Variants in MYH13 observed in about 807,000 individuals in gnomAD.
The protein encoded by MYH13 is myosin-13.
MYH13 carries 177 observed loss-of-function variants against 232.1 expected under a neutral mutation model. That is an observed-to-expected ratio of 0.76 (90% CI 0.67 to 0.86). The LOEUF (loss-of-function observed/expected upper bound fraction) is 0.86, where lower values mean the gene tolerates loss of function less well. MYH13 is among the 40% of genes least tolerant of loss of function. The pLI is 0.00. For missense variants in MYH13, 2,246 were observed against 2,405.9 expected (o/e 0.93, Z 1.39); for synonymous variants, 884 against 923.5 (o/e 0.96, Z 0.78).
rs1907275377 is a variant in MYH13, at chr17:10,328,014, T to C, written c.2543A>G (p.Glu848Gly). ...FKIKPLLKSA[E>G]AEKEMATMKE... Reference sequence around the variant, plus strand: ...CATGGTGGCCATCTCCTTCTCGGCCTCTGCACTCTTCAGCAGGGGCTTGAT... The same window carrying C: ...CATGGTGGCCATCTCCTTCTCGGCCCCTGCACTCTTCAGCAGGGGCTTGAT... The change falls in exon 22 of 41, where the codon GAG becomes GGG. Residue 848 changes from glutamate to glycine, a missense_variant. Transcript: ENST00000252172. The C allele has an allele frequency of 1.2e-6, 2 of 1,614,110 alleles. No homozygotes were observed. Among genetic ancestry groups the C allele is most frequent in the African/African-American group, 1.3e-5 (1 of 74,942 alleles).
At chr17:10,323,910 A>G in intron 23 of MYH13, 112 bp downstream of exon 23, 1 of 1,417,474 alleles carries the variant, frequency 7.1e-7, no homozygotes. Flanking sequence ...CCAGCCTCTC[A>G]TTTCTGGGCA....
At chr17:10,351,477 A>T (rs769519468) in intron 11 of MYH13, among the ~76,000 whole-genome samples, 2 of 152,194 alleles carry the variant, frequency 1.3e-5, no homozygotes, top group Non-Finnish European at 2.9e-5. Context: ...CAAAGATGGC[A>T]TCATCATTTC....
At chr17:10,323,791 AAGAAGAAGAAG>A (rs1907087679) in intron 23 of MYH13, among the ~76,000 whole-genome samples, 8 of 37,122 alleles carry the variant, frequency 2.2e-4, no homozygotes, top group East Asian at 1.2e-3. Flanking sequence ...AAAAAAAAAG[AAGAAGAAGAAG>A]AAGAAGAAGA....
At chr17:10,326,123 T>C (rs1907190022) in intron 22 of MYH13, among the ~76,000 whole-genome samples, 2 of 152,308 alleles carry the variant, frequency 1.3e-5, no homozygotes, top group South Asian at 4.1e-4. Context: ...TTTCAATAGC[T>C]GGATGAGGTG....
chr17:10,362,584 T>C (rs1597389988), intron 3 of MYH13, 81 bp from the exon 4 acceptor site: 1 of 1,559,200 alleles, frequency 6.4e-7, no homozygotes, highest in Non-Finnish European at 8.8e-7. Flanking sequence ...GTGGAAGTAG[T>C]GAGATATTGT....
Position 10,345,324 on chromosome 17 carries a change from G to A in MYH13, c.1462C>T (p.Gln488Ter), listed in dbSNP as rs201400464. 1.3e-4 allele frequency: 209 copies of A among 1,614,102 alleles called. No homozygotes were observed. The highest frequency in any genetic ancestry group is 2.7e-4 in the Admixed American group (16 of 60,010). ...LCINFTNEKL[Q>*]QFFNHHMFVL... ...AACATGTGGTGGTTGAAAAACTGTT[G>A]CAGTTTCTCATTGGTGAAGTTGATG... is the stretch of plus-strand genomic sequence containing the variant. Residue 488 changes from glutamine (Q) to a stop codon, truncating the protein, a stop_gained, in exon 15 of 41, where the codon CAA becomes TAA. Coordinates refer to ENST00000252172, the MANE Select transcript of MYH13 (RefSeq NM_003802.3). LOFTEE classifies it high-confidence loss of function.
At chr17:10,322,352 T>C (rs138413748) in intron 23 of MYH13, among the ~76,000 whole-genome samples, 2,369 of 152,204 alleles carry the variant, frequency 0.016, 73 homozygotes, top group African/African-American at 0.054. Context: ...GAGCTGAGAT[T>C]GCACCACTGC....
rs200238967 is a variant in MYH13, at chr17:10,318,871, C to T, written c.3657G>A (p.Gln1219=). 19 of 1,614,182 alleles carry T rather than the reference C, an allele frequency of 1.2e-5. No individual in the cohort carries two copies. Among genetic ancestry groups the T allele is most frequent in the Admixed American group, 6.7e-5 (4 of 60,024 alleles). Residue 1219 remains glutamine (Q), a synonymous_variant, in exon 27 of 41, where the codon CAG becomes CAA. Transcript: ENST00000252172. The part of the protein sequence containing the change: ...EQIDNLQRVK[Q]KLEKEKSELK... The stretch of plus-strand genomic sequence containing the variant: ...GCTCGCTCTTCTCCTTCTCCAGCTT[C>T]TGCTTCACCCGCTGCAGGTTGTCAA...
At chr17:10,365,622 G>T (rs529450165) in intron 2 of MYH13, among the ~76,000 whole-genome samples, 2 of 152,276 alleles carry the variant, frequency 1.3e-5, no homozygotes, top group East Asian at 3.9e-4. Context: ...GCTTCATGCA[G>T]GACTTCATTA....
In MYH13 at chr17:10,324,099, A is replaced by G. The variant is rs1344921980; in HGVS notation, c.2857T>C (p.Ser953Pro). The G allele has an allele frequency of 1.9e-6, 3 of 1,613,812 alleles. No individual in the cohort carries two copies. The highest frequency in any genetic ancestry group is 1.3e-5 in the African/African-American group (1 of 74,880). Residue 953 changes from serine (S) to proline (P), a missense_variant, in exon 23 of 41, where the codon TCT (serine) becomes CCT (proline). By Grantham distance (74) the Ser-to-Pro change is moderately conservative (BLOSUM62 -1). Coordinates refer to ENST00000252172, the MANE Select transcript of MYH13 (RefSeq NM_003802.3). The stretch of plus-strand genomic sequence containing the variant: ...AGGTCATCAATGTCTCTCTTGAGAG[A>G]GGAGCATTTATCTTCCAGATTCCTC... ...KKRNLEDKCSSLKRDIDDLEL... is the reference protein window; with the variant it reads ...KKRNLEDKCSPLKRDIDDLEL...
At chr17:10,339,597 C>A (rs2071605486) in intron 18 of MYH13, among the ~76,000 whole-genome samples, 1 of 152,092 alleles carries the variant, frequency 6.6e-6, no homozygotes, top group African/African-American at 2.4e-5. Context: ...GTAAACAGAG[C>A]CTTTATCTTA....
intron 7 of MYH13, 72 bp downstream of exon 7, chr17:10,359,888 C>T (rs1313893439): frequency 1.0e-5 from 14 of 1,386,452 alleles, no homozygotes; most frequent in South Asian, 3.5e-5. Flanking sequence ...ACCCTGCATA[C>T]ACTTGGTGCT....
chr17:10,338,229 C>T (rs1040334179), intron 18 of MYH13, among the ~76,000 whole-genome samples: 8 of 58,820 alleles, frequency 1.4e-4, no homozygotes, highest in Admixed American at 1.3e-3. Context: ...GGATATTTTC[C>T]AAGACCTACT....
intron 20 of MYH13, 77 bp from the exon 21 acceptor site, chr17:10,330,600 T>C (rs1428847807): frequency 3.3e-6 from 5 of 1,525,524 alleles, no homozygotes; most frequent in Non-Finnish European, 4.4e-6. Flanking sequence ...GGCCTGTTTC[T>C]GCTCAACTCT....
In MYH13 at chr17:10,312,022, C is replaced by T. The variant is rs1906524293; in HGVS notation, c.4420G>A (p.Ala1474Thr). Reference protein sequence around the residue: ...LDESQAELEAAQKESRSLSTE... With the variant: ...LDESQAELEATQKESRSLSTE... Reference sequence around the variant, plus strand: ...CTGAGTGACCTGGACTCCTTCTGAGCAGCTTCCAACTCAGCCTGGCTTTCG... The same window carrying T: ...CTGAGTGACCTGGACTCCTTCTGAGTAGCTTCCAACTCAGCCTGGCTTTCG... The change falls in exon 32 of 41, where the codon GCT becomes ACT. Residue 1474 changes from alanine to threonine, a missense_variant. Physicochemically the swap from Ala to Thr is moderately conservative, Grantham distance 58. Coordinates refer to ENST00000252172, the MANE Select transcript of MYH13 (RefSeq NM_003802.3). 2 of 1,613,888 alleles carry T rather than the reference C, an allele frequency of 1.2e-6. No homozygotes were observed. Among genetic ancestry groups the T allele is most frequent in the African/African-American group, 1.3e-5 (1 of 74,930 alleles).
chr17:10,351,848 T>C (rs958689036), intron 11 of MYH13, among the ~76,000 whole-genome samples: 6 of 152,130 alleles, frequency 3.9e-5, no homozygotes, highest in African/African-American at 1.4e-4. Context: ...AGAGTGTCCA[T>C]TGGTAGGATT....
chr17:10,333,677 T>C (rs1005878738), intron 18 of MYH13, among the ~76,000 whole-genome samples: 1 of 151,676 alleles, frequency 6.6e-6, no homozygotes, highest in East Asian at 1.9e-4. Flanking sequence ...GAGGCCGAGG[T>C]GGGTGTATCG....
chr17:10,360,226 C>T (rs751968285), intron 5 of MYH13, 38 bp from the exon 6 acceptor site: 1 of 1,601,800 alleles, frequency 6.2e-7, no homozygotes, highest in South Asian at 1.1e-5. Flanking sequence ...AACAAATAAA[C>T]AACAAACAGA....
chr17:10,343,235 T>TCA (rs1216441022), intron 16 of MYH13, among the ~76,000 whole-genome samples: 1 of 152,074 alleles, frequency 6.6e-6, no homozygotes, highest in African/African-American at 2.4e-5. Flanking sequence ...TCTCACTCTG[T>TCA]CACCCAGGCT....
Sources: gnomAD v4.1 joint callset for allele counts (sites outside exome capture counted in the v4.1 genomes callset) on GRCh38, gnomAD v4.1.1 for gene constraint, MANE v1.5 for transcripts, NCBI Gene and HGNC (gene_info 2026-07-23, HGNC 2026-07-21) for gene names.